Variants in TBC1D5 observed in about 807,000 individuals in gnomAD.
The protein encoded by TBC1D5 is TBC1 domain family, member 5.
A neutral mutation model predicts 100.3 loss-of-function variants in TBC1D5; 75 were observed. The ratio of observed to expected loss-of-function variants is 0.75; its 90% CI spans 0.62 to 0.91. TBC1D5 has a LOEUF of 0.91. Among genes scored for constraint, TBC1D5 ranks in the 40% least tolerant of loss-of-function variants. The probability of loss-of-function intolerance (pLI) is 0.00; values close to 1 mark genes in which losing one functional copy is unlikely to be tolerated. For missense variants in TBC1D5, 910 were observed against 942.4 expected, an observed-to-expected ratio of 0.97 and a Z score of 0.45; for synonymous variants, 323 against 325.6, an observed-to-expected ratio of 0.99 and a Z score of 0.09.
chr3:17,553,999 G>A (rs1232501544), intron 2 of TBC1D5, among the ~76,000 whole-genome samples: 1 of 151,992 alleles, frequency 6.6e-6, no homozygotes, highest in Non-Finnish European at 1.5e-5. Flanking sequence ...AGCCTACTAC[G>A]TCAGTTTAAG....
Position 17,409,194 on chromosome 3 carries a change from T to C in TBC1D5, c.168-2668A>G, listed in dbSNP as rs560262660. Among the ~76,000 whole-genome samples the C allele has an allele frequency of 1.1e-4, 17 of 152,310 alleles. No homozygotes were observed. In the East Asian group the frequency reaches 3.1e-3, roughly 28 times the overall value. ...CAGCATGTGCTCACTTCATGACTCTTGTGACATATTTTGATAATCTTCACA... is the reference window on the plus strand; with the variant it reads ...CAGCATGTGCTCACTTCATGACTCTCGTGACATATTTTGATAATCTTCACA... On this transcript the variant is annotated intron_variant, in intron 4 of 21. Transcript: ENST00000253692.
Position 17,374,602 on chromosome 3 carries a change from TA to T in TBC1D5, c.752+26del, listed in dbSNP as rs762824671. The T allele has an allele frequency of 5.6e-6, 9 of 1,609,950 alleles. No homozygotes were observed. The African/African-American group carries it at 1.2e-4, about 22-fold the overall frequency. ...TTAAAATAATGATGGTATAAAAAAA[TA>T]AAACAAAGAAAGTTTTTGTACTTAC... On this transcript the variant is annotated intron_variant, in intron 11 of 21. Coordinates refer to ENST00000253692, the Ensembl canonical transcript of TBC1D5.
At chr3:17,673,177 T>C (rs1010159292) in intron 1 of TBC1D5, among the ~76,000 whole-genome samples, 1 of 152,132 alleles carries the variant, frequency 6.6e-6, no homozygotes, top group Non-Finnish European at 1.5e-5. Context: ...ACAGGAAAGA[T>C]ATAAACCAAT....
chr3:17,671,656 T>C (rs532022660), intron 1 of TBC1D5, among the ~76,000 whole-genome samples: 14 of 152,348 alleles, frequency 9.2e-5, no homozygotes, highest in Non-Finnish European at 1.6e-4. Context: ...AATTCAAAAA[T>C]AGATGTGAAA....
chr3:17,278,716 TTCA>T (rs1294072613), intron 15 of TBC1D5, among the ~76,000 whole-genome samples: 2 of 152,234 alleles, frequency 1.3e-5, no homozygotes, highest in African/African-American at 4.8e-5. Flanking sequence ...AAGTATGGTA[TTCA>T]TTTTGTAACC....
At chr3:17,604,617 T>G (rs1447295262) in intron 2 of TBC1D5, among the ~76,000 whole-genome samples, 2 of 152,200 alleles carry the variant, frequency 1.3e-5, no homozygotes, top group Non-Finnish European at 2.9e-5. Context: ...TAATTAAGAT[T>G]TGGTGCCTAG....
intron 1 of TBC1D5, among the ~76,000 whole-genome samples, chr3:17,635,672 A>T (rs2063842682): frequency 6.6e-6 from 1 of 152,116 alleles, no homozygotes; most frequent in South Asian, 2.1e-4. Flanking sequence ...GAGAAAAAAA[A>T]AATTAAAAGG....
chr3:17,542,423 G>C (rs1389094533), intron 2 of TBC1D5, among the ~76,000 whole-genome samples: 1 of 152,108 alleles, frequency 6.6e-6, no homozygotes, highest in African/African-American at 2.4e-5. Context: ...TGGCTATGTT[G>C]TCCAGGCTGG....
intron 17 of TBC1D5, among the ~76,000 whole-genome samples, chr3:17,237,176 G>A (rs930547531): frequency 6.6e-6 from 1 of 152,188 alleles, no homozygotes; most frequent in Non-Finnish European, 1.5e-5. Context: ...TTTAAGACAT[G>A]AATGACACTT....
At chr3:17,324,615 T>C (rs1019802169) in intron 13 of TBC1D5, among the ~76,000 whole-genome samples, 7 of 152,076 alleles carry the variant, frequency 4.6e-5, no homozygotes, top group African/African-American at 1.7e-4. Context: ...CTGCACTCTA[T>C]CCTCGACAAC....
At chr3:17,286,908 A>C (rs1262291035) in intron 15 of TBC1D5, among the ~76,000 whole-genome samples, 1 of 152,222 alleles carries the variant, frequency 6.6e-6, no homozygotes, top group Non-Finnish European at 1.5e-5. Flanking sequence ...TGAAAGGAGA[A>C]GCTGGATAAG....
intron 1 of TBC1D5, among the ~76,000 whole-genome samples, chr3:17,700,793 C>G (rs2073053995): frequency 6.6e-6 from 1 of 152,140 alleles, no homozygotes; most frequent in Non-Finnish European, 1.5e-5. Context: ...CCACCTCACA[C>G]CAGTGAGAAT....
chr3:17,274,561 G>T (rs1012045238), intron 15 of TBC1D5, among the ~76,000 whole-genome samples: 5 of 152,166 alleles, frequency 3.3e-5, no homozygotes, highest in Non-Finnish European at 5.9e-5. Context: ...ATAATGGCTG[G>T]AAAGATGAGG....
intron 15 of TBC1D5, among the ~76,000 whole-genome samples, chr3:17,273,491 C>T (rs1370080074): frequency 6.6e-6 from 1 of 152,152 alleles, no homozygotes; most frequent in Non-Finnish European, 1.5e-5. Flanking sequence ...TATCCCATAA[C>T]CTCCTCAGAA....
At chr3:17,263,366 CAAAAAAA>C (rs71049192) in intron 15 of TBC1D5, among the ~76,000 whole-genome samples, 87 of 80,992 alleles carry the variant, frequency 1.1e-3, no homozygotes, top group Non-Finnish European at 1.8e-3. Flanking sequence ...ACCCTGTCTC[CAAAAAAA>C]AAAAAAAAAA....
intron 14 of TBC1D5, among the ~76,000 whole-genome samples, chr3:17,307,565 G>GT (rs1450277589): frequency 1.3e-5 from 2 of 152,026 alleles, no homozygotes; most frequent in African/African-American, 2.4e-5. Flanking sequence ...AAATGTATTT[G>GT]TTTTTTTAAT....
At chr3:17,214,449 G>A in intron 17 of TBC1D5, 79 bp from the exon 19 acceptor site, 2 of 1,442,412 alleles carry the variant, frequency 1.4e-6, no homozygotes, top group South Asian at 2.6e-5. Context: ...TTTAATAAAT[G>A]ATGATCAATT....
At chr3:17,342,324 AC>A (rs1378048691) in intron 13 of TBC1D5, among the ~76,000 whole-genome samples, 6 of 152,256 alleles carry the variant, frequency 3.9e-5, no homozygotes, top group African/African-American at 1.4e-4. Context: ...TCTTGCTTGA[AC>A]CACTTCCTGA....
rs544776166 is a variant in TBC1D5, at chr3:17,209,308, G to A, written c.1752+4899C>T. Among the ~76,000 whole-genome samples, 5 of 152,130 alleles carry A rather than the reference G, an allele frequency of 3.3e-5. No homozygotes were observed. In the South Asian group the frequency reaches 6.2e-4, roughly 19 times the overall value. ...ACTACAGTTGCATGCCACCATACCT[G>A]GCTAATTAAAAACAAATTTTTTTTG... On this transcript the variant is annotated intron_variant, in intron 18 of 21. Coordinates refer to ENST00000253692, the Ensembl canonical transcript of TBC1D5.
Sources: gnomAD v4.1 joint callset for allele counts (sites outside exome capture counted in the v4.1 genomes callset) on GRCh38, gnomAD v4.1.1 for gene constraint, MANE v1.5 for transcripts, NCBI Gene and HGNC (gene_info 2026-07-23, HGNC 2026-07-21) for gene names.